The following GRID2 variants were observed in gnomAD, a reference collection of about 807,000 sequenced individuals.
The protein encoded by GRID2 is glutamate receptor ionotropic, delta-2.
In GRID2, 33 loss-of-function variants were observed where a neutral mutation model predicts 114.8. The observed-to-expected ratio is 0.29, with a 90% CI of 0.22 to 0.38. The LOEUF (loss-of-function observed/expected upper bound fraction) is 0.38. Ranked by LOEUF, GRID2 falls within the 10% of genes least tolerant of loss-of-function variation. The probability of loss-of-function intolerance (pLI) is 1.00; values close to 1 mark genes in which losing one functional copy is unlikely to be tolerated. For missense variants in GRID2, 1,184 were observed against 1,257.7 expected, an observed-to-expected ratio of 0.94 and a Z score of 0.89; for synonymous variants, 505 against 449.9, an observed-to-expected ratio of 1.12 and a Z score of -1.55.
chr4:93,037,335 C>T (rs990171191), intron 2 of GRID2, among the ~76,000 whole-genome samples: 2 of 151,974 alleles, frequency 1.3e-5, no homozygotes, highest in Non-Finnish European at 2.9e-5. Flanking sequence ...TTAAAGAAAA[C>T]GTCACCCTTT....
chr4:93,343,996 C>G (rs573057090), intron 8 of GRID2, among the ~76,000 whole-genome samples: 1 of 151,914 alleles, frequency 6.6e-6, no homozygotes, highest in East Asian at 1.9e-4. Context: ...ATGTTTAGAC[C>G]ACATTTTTCT....
intron 1 of GRID2, among the ~76,000 whole-genome samples, chr4:92,524,157 G>C (rs993882257): frequency 3.9e-5 from 6 of 151,938 alleles, no homozygotes; most frequent in South Asian, 2.1e-4. Flanking sequence ...TGGTAAACAA[G>C]GGTTGAGTAC....
At chr4:93,033,395 G>A (rs184576140) in intron 2 of GRID2, among the ~76,000 whole-genome samples, 25 of 152,238 alleles carry the variant, frequency 1.6e-4, no homozygotes, top group Admixed American at 3.9e-4. Context: ...ATAGAGTTTC[G>A]GTTGTCCTCC....
chr4:93,288,282 A>T (rs1753387529), intron 8 of GRID2, among the ~76,000 whole-genome samples: 1 of 152,212 alleles, frequency 6.6e-6, no homozygotes, highest in African/African-American at 2.4e-5. Context: ...ATAGAAATAT[A>T]AAAAAGTTCC....
At chr4:93,160,378 TA>T (rs896837413) in intron 4 of GRID2, among the ~76,000 whole-genome samples, 3 of 151,664 alleles carry the variant, frequency 2.0e-5, no homozygotes, top group Admixed American at 6.6e-5. Context: ...TCTCGAGTCT[TA>T]AAAAAAAGTT....
At chr4:92,481,040 T>C (rs2149104582) in intron 1 of GRID2, among the ~76,000 whole-genome samples, 1 of 152,252 alleles carries the variant, frequency 6.6e-6, no homozygotes, top group Non-Finnish European at 1.5e-5. Flanking sequence ...ATGATCTCAA[T>C]ACAGTGAAAT....
intron 4 of GRID2, among the ~76,000 whole-genome samples, chr4:93,205,555 C>T (rs537940730): frequency 3.3e-5 from 5 of 152,214 alleles, no homozygotes; most frequent in African/African-American, 4.8e-5. Flanking sequence ...TCCAGTCTAT[C>T]GTTGTTAGAC....
intron 8 of GRID2, among the ~76,000 whole-genome samples, chr4:93,390,482 T>C (rs902240891): frequency 1.3e-5 from 2 of 152,198 alleles, no homozygotes; most frequent in Non-Finnish European, 2.9e-5. Flanking sequence ...AAAAACTGTA[T>C]GAGGAAGTCA....
At chr4:92,865,903 G>A (rs913221826) in intron 2 of GRID2, among the ~76,000 whole-genome samples, 1 of 151,988 alleles carries the variant, frequency 6.6e-6, no homozygotes, top group Non-Finnish European at 1.5e-5. Context: ...TACAAACATC[G>A]TTATCATATA....
At chr4:93,552,124 G>A (rs1733822571) in intron 13 of GRID2, among the ~76,000 whole-genome samples, 1 of 148,160 alleles carries the variant, frequency 6.7e-6, no homozygotes, top group African/African-American at 2.5e-5. Flanking sequence ...GTGAGAACAT[G>A]CGGTGTTTGG....
intron 1 of GRID2, among the ~76,000 whole-genome samples, chr4:92,532,393 C>T (rs527341531): frequency 6.6e-6 from 1 of 152,238 alleles, no homozygotes; most frequent in South Asian, 2.1e-4. Context: ...ATCATCAATA[C>T]CTAGGCTAAA....
At chr4:93,735,716 T>C (rs1730868932) in intron 14 of GRID2, among the ~76,000 whole-genome samples, 1 of 152,050 alleles carries the variant, frequency 6.6e-6, no homozygotes, top group Non-Finnish European at 1.5e-5. Context: ...TAATGTTTTC[T>C]TCTGTATTAA....
chr4:92,918,189 G>A (rs1437435878), intron 2 of GRID2, among the ~76,000 whole-genome samples: 2 of 152,060 alleles, frequency 1.3e-5, no homozygotes, highest in African/African-American at 4.8e-5. Flanking sequence ...TGTTATTTTT[G>A]CACATTGATT....
chr4:93,332,286 G>GTA (rs1758559623), intron 8 of GRID2, among the ~76,000 whole-genome samples: 1 of 127,542 alleles, frequency 7.8e-6, no homozygotes, highest in Non-Finnish European at 1.6e-5. Context: ...GTGTGTGTGT[G>GTA]TGTGTGTGTG....
At chr4:92,851,130 G>A (rs1339935791) in intron 2 of GRID2, among the ~76,000 whole-genome samples, 1 of 151,700 alleles carries the variant, frequency 6.6e-6, no homozygotes. Context: ...TTTCAAATCA[G>A]GCTTCATGAT....
At chr4:93,719,664 T>C (rs748264508) in intron 14 of GRID2, among the ~76,000 whole-genome samples, 2 of 152,176 alleles carry the variant, frequency 1.3e-5, no homozygotes. Context: ...TAATAAATAC[T>C]TAATACTAAT....
At chr4:92,931,941 T>C (rs1234009482) in intron 2 of GRID2, among the ~76,000 whole-genome samples, 1 of 151,216 alleles carries the variant, frequency 6.6e-6, no homozygotes, top group Non-Finnish European at 1.5e-5. Flanking sequence ...ACCATATGCT[T>C]TCATTTTATT....
In GRID2 at chr4:92,590,127, C is replaced by G. The variant is rs74759637; in HGVS notation, c.89-4C>G. ...ATTTAATGGCAAAATTCACTTCTTT[C>G]TAGGAGCAATTTTTGATGAATCTGC... is the stretch of plus-strand genomic sequence containing the variant. On this transcript the variant is annotated splice_region_variant and splice_polypyrimidine_tract_variant and intron_variant, in intron 1 of 15. Coordinates refer to ENST00000282020, the MANE Select transcript of GRID2 (RefSeq NM_001510.4). The G allele has an allele frequency of 5.6e-6, 9 of 1,603,424 alleles. 1 individual carries two copies. In the Middle Eastern group the frequency reaches 1.5e-3, roughly 265 times the overall value.
intron 4 of GRID2, among the ~76,000 whole-genome samples, chr4:93,133,410 T>C (rs1734975219): frequency 6.6e-6 from 1 of 152,220 alleles, no homozygotes. Flanking sequence ...TTGTGCTATG[T>C]TTCTAAATGT....
Sources: allele counts gnomAD v4.1 joint callset (sites outside exome capture counted in the v4.1 genomes callset), GRCh38; gene constraint gnomAD v4.1.1; transcripts MANE v1.5; gene names NCBI Gene and HGNC (gene_info 2026-07-23, HGNC 2026-07-21).